Variants in ADAM10 observed in about 807,000 individuals in gnomAD.
ADAM10 encodes ADAM metallopeptidase domain 10.
A neutral mutation model predicts 90.1 loss-of-function variants in ADAM10; 17 were observed. The ratio of observed to expected loss-of-function variants is 0.19; its 90% confidence interval spans 0.13 to 0.28. ADAM10 has a LOEUF of 0.28. Ranked by LOEUF, ADAM10 falls within the 10% of genes least tolerant of loss-of-function variation. ADAM10 has a pLI of 1.00. For missense variants in ADAM10, 610 were observed against 914.3 expected (o/e 0.67, Z 4.29); for synonymous variants, 310 against 298.6 (o/e 1.04, Z -0.40).
chr15:58,701,021 A>T (rs1464533616), intron 2 of ADAM10, among the ~76,000 whole-genome samples: 1 of 121,196 alleles, frequency 8.3e-6, no homozygotes, highest in Non-Finnish European at 1.7e-5. Flanking sequence ...AAACAAAAAA[A>T]CAAAAAAAAA....
chr15:58,713,775 G>A (rs370884083), intron 2 of ADAM10, among the ~76,000 whole-genome samples: 2 of 151,492 alleles, frequency 1.3e-5, no homozygotes, highest in South Asian at 2.1e-4. Flanking sequence ...ACAACTTTAA[G>A]CTTTATTTCA....
intron 1 of ADAM10, among the ~76,000 whole-genome samples, chr15:58,741,248 A>G (rs1436896779): frequency 4.6e-5 from 7 of 152,242 alleles, no homozygotes; most frequent in African/African-American, 1.7e-4. Flanking sequence ...TTTGTCTTGG[A>G]AACAGAAGTT....
Position 58,717,673 on chromosome 15 carries a change from TA to T in ADAM10, c.109del (p.Tyr37ThrfsTer26). 6.2e-7 allele frequency: 1 copy of T among 1,613,774 alleles called. No homozygotes were observed. On this transcript the variant is annotated frameshift_variant, in exon 2 of 16. Transcript: ENST00000260408. LOFTEE classifies it high-confidence loss of function. ...KYIRHYEGLS[Y>X]NVDSLHQKHQ... is the part of the protein sequence containing the mutation. ...TTTTTGGTGTAATGAATCCACATTG[TA>T]AGATAATCCTTCATAATGTCTGATA...
rs1894855547 is a variant in ADAM10 at position 58,592,948 on chromosome 15, A to C, written c.*4599T>G. The C allele has an allele frequency of 6.6e-6, 1 of 150,450 alleles. No homozygotes were observed. The highest frequency in any genetic ancestry group is 2.1e-4 in the South Asian group (1 of 4,810). The allele number at this position is 150,450 out of a possible 1,614,324, so 9.3% of individuals were successfully genotyped here. On this transcript the variant is annotated 3_prime_UTR_variant, in exon 16 of 16. Coordinates refer to ENST00000260408, the MANE Select transcript of ADAM10 (RefSeq NM_001110.4). ...ATTCTTTAGAATTGTTTAAAATAATAAACAATGTGGAACCTACATGTCCAA... is the reference window on the plus strand; with the variant it reads ...ATTCTTTAGAATTGTTTAAAATAATCAACAATGTGGAACCTACATGTCCAA...
chr15:58,719,362 G>A (rs1898769394), intron 1 of ADAM10, among the ~76,000 whole-genome samples: 1 of 151,632 alleles, frequency 6.6e-6, no homozygotes, highest in Non-Finnish European at 1.5e-5. Flanking sequence ...ATTTTTCCTG[G>A]TTTCCTTGTT....
intron 11 of ADAM10, among the ~76,000 whole-genome samples, chr15:58,621,166 G>A (rs916626653): frequency 2.0e-5 from 3 of 151,044 alleles, no homozygotes; most frequent in Non-Finnish European, 4.4e-5. Flanking sequence ...AGGGGGCTGA[G>A]GTGGGAGGAT....
At chr15:58,601,138 G>T (rs1895096563) in intron 14 of ADAM10, among the ~76,000 whole-genome samples, 1 of 152,188 alleles carries the variant, frequency 6.6e-6, no homozygotes, top group East Asian at 1.9e-4. Context: ...AAGAAAAGTT[G>T]CAAGTACAAT....
chr15:58,649,938 T>C (rs1192298260), intron 5 of ADAM10, among the ~76,000 whole-genome samples: 1 of 152,158 alleles, frequency 6.6e-6, no homozygotes. Flanking sequence ...GAAGGTATCA[T>C]CTATTTCTCT....
chr15:58,729,957 G>C (rs1168455427), intron 1 of ADAM10, among the ~76,000 whole-genome samples: 1 of 107,818 alleles, frequency 9.3e-6, no homozygotes, highest in Non-Finnish European at 1.9e-5. Flanking sequence ...ACGAGGCTCT[G>C]TAAAAAAAAA....
chr15:58,677,561 A>G (rs1897325238), intron 4 of ADAM10, among the ~76,000 whole-genome samples: 1 of 152,224 alleles, frequency 6.6e-6, no homozygotes, highest in Admixed American at 6.5e-5. Flanking sequence ...ACTACACACA[A>G]GTAGATAACA....
intron 1 of ADAM10, among the ~76,000 whole-genome samples, chr15:58,740,958 C>T (rs886089635): frequency 6.6e-5 from 10 of 151,992 alleles, no homozygotes; most frequent in African/African-American, 9.7e-5. Context: ...GGTCTGGAAA[C>T]GACATAATTT....
At chr15:58,746,046 A>T (rs1899780801) in intron 1 of ADAM10, among the ~76,000 whole-genome samples, 1 of 152,218 alleles carries the variant, frequency 6.6e-6, no homozygotes, top group Admixed American at 6.5e-5. Flanking sequence ...AATGTATGAA[A>T]GCCGCTTTCA....
intron 1 of ADAM10, among the ~76,000 whole-genome samples, chr15:58,742,787 G>T (rs1173099925): frequency 6.6e-6 from 1 of 152,172 alleles, no homozygotes; most frequent in Non-Finnish European, 1.5e-5. Context: ...AGAACAAGCA[G>T]AGTTTTTAGG....
intron 15 of ADAM10, among the ~76,000 whole-genome samples, chr15:58,599,252 T>C (rs1012943639): frequency 2.0e-5 from 3 of 150,592 alleles, no homozygotes; most frequent in South Asian, 2.1e-4. Context: ...ACTATTAGAA[T>C]AGAAAGATCA....
At chr15:58,692,250 C>T (rs776863251) in intron 2 of ADAM10, 7 of 598,924 alleles carry the variant, frequency 1.2e-5, no homozygotes, top group Non-Finnish European at 1.7e-5. Flanking sequence ...CAGGGAATTG[C>T]TTGACTGCCA....
At chr15:58,669,268 T>A (rs935498550) in intron 4 of ADAM10, among the ~76,000 whole-genome samples, 1 of 152,156 alleles carries the variant, frequency 6.6e-6, no homozygotes, top group Non-Finnish European at 1.5e-5. Context: ...CCACAGTTTA[T>A]TAAACACTGG....
intron 1 of ADAM10, among the ~76,000 whole-genome samples, chr15:58,739,942 A>C (rs1387540573): frequency 2.0e-5 from 3 of 152,222 alleles, no homozygotes; most frequent in Non-Finnish European, 4.4e-5. Context: ...CTTCCTAAGC[A>C]ATGTATTTAA....
At chr15:58,625,516 G>A (rs1227076349) in intron 10 of ADAM10, among the ~76,000 whole-genome samples, 1 of 152,206 alleles carries the variant, frequency 6.6e-6, no homozygotes, top group Admixed American at 6.5e-5. Flanking sequence ...AAATGGTTGT[G>A]AACATGCAGA....
At chr15:58,640,145 A>T (rs1349292170) in intron 8 of ADAM10, among the ~76,000 whole-genome samples, 1 of 152,232 alleles carries the variant, frequency 6.6e-6, no homozygotes, top group African/African-American at 2.4e-5. Context: ...CCATCCCAAC[A>T]TTATCAATGA....
Sources: allele counts gnomAD v4.1 joint callset (sites outside exome capture counted in the v4.1 genomes callset), GRCh38; gene constraint gnomAD v4.1.1; transcripts MANE v1.5; gene names NCBI Gene and HGNC (gene_info 2026-07-23, HGNC 2026-07-21).